The following CHCHD6 variants were observed in gnomAD, a reference collection of about 807,000 sequenced individuals.
CHCHD6 encodes MICOS complex subunit MIC25.
CHCHD6 carries 28 observed loss-of-function variants against 32.3 expected under a neutral mutation model. The observed-to-expected ratio is 0.87, with a 90% confidence interval of 0.64 to 1.19. The LOEUF is 1.19. Among genes scored for constraint, CHCHD6 ranks in the 50% most tolerant of loss-of-function variants. The probability of loss-of-function intolerance (pLI) is 0.00; values close to 1 mark genes in which losing one functional copy is unlikely to be tolerated. For missense variants in CHCHD6, 333 were observed against 307.0 expected, an observed-to-expected ratio of 1.08 and a Z score of -0.63; for synonymous variants, 122 against 117.5, an observed-to-expected ratio of 1.04 and a Z score of -0.25.
At position 126,902,317 on chromosome 3, in the gene CHCHD6, G is replaced by A. The variant is rs140682877; in HGVS notation, c.496-12363G>A. 1.4e-4 allele frequency among the ~76,000 whole-genome samples: 21 copies of A among 152,326 alleles called. No homozygotes were observed. The East Asian group carries it at 3.3e-3, about 24-fold the overall frequency. On this transcript the variant is annotated intron_variant, in intron 5 of 7. Transcript: ENST00000290913. ...CACTGGCCTAGAGTTGAGGGCCACAGCATGGCTGCCTTCCAGAGCCCAGTG... is the reference window on the plus strand; with the variant it reads ...CACTGGCCTAGAGTTGAGGGCCACAACATGGCTGCCTTCCAGAGCCCAGTG...
At chr3:126,925,075 C>G (rs1045442567) in intron 6 of CHCHD6, among the ~76,000 whole-genome samples, 2 of 152,224 alleles carry the variant, frequency 1.3e-5, no homozygotes, top group Non-Finnish European at 2.9e-5. Flanking sequence ...AATGCTCCAT[C>G]AGGAATGATG....
At chr3:126,877,841 G>T (rs749157432) in intron 5 of CHCHD6, among the ~76,000 whole-genome samples, 37 of 152,192 alleles carry the variant, frequency 2.4e-4, no homozygotes, top group Non-Finnish European at 4.1e-4. Flanking sequence ...GGGATTGTCT[G>T]AATTATTTAT....
chr3:126,942,578 G>A (rs1010730095), intron 6 of CHCHD6, among the ~76,000 whole-genome samples: 1 of 152,086 alleles, frequency 6.6e-6, no homozygotes, highest in East Asian at 1.9e-4. Flanking sequence ...CATAGATTTT[G>A]CCCTTCAAAC....
chr3:126,957,633 C>T (rs544670967), intron 7 of CHCHD6, 82 bp downstream of exon 7: 2 of 1,453,000 alleles, frequency 1.4e-6, no homozygotes, highest in Non-Finnish European at 1.9e-6. Flanking sequence ...GAGATCTCTG[C>T]CTGCCTTTTC....
intron 5 of CHCHD6, among the ~76,000 whole-genome samples, chr3:126,885,985 C>T (rs1365677271): frequency 1.3e-5 from 2 of 152,116 alleles, no homozygotes; most frequent in Non-Finnish European, 2.9e-5. Context: ...GGAACGGGCA[C>T]GGGCAGTGGA....
At chr3:126,817,644 T>C (rs1326664215) in intron 4 of CHCHD6, among the ~76,000 whole-genome samples, 1 of 152,212 alleles carries the variant, frequency 6.6e-6, no homozygotes, top group Non-Finnish European at 1.5e-5. Flanking sequence ...AGCCTTGTTT[T>C]CACTCTCCCT....
chr3:126,878,356 A>G (rs946529032), intron 5 of CHCHD6, among the ~76,000 whole-genome samples: 5 of 152,222 alleles, frequency 3.3e-5, no homozygotes, highest in Non-Finnish European at 7.3e-5. Flanking sequence ...CTGCAACAGG[A>G]AATTGACAGG....
At chr3:126,730,105 CAG>C (rs1451629108) in intron 2 of CHCHD6, among the ~76,000 whole-genome samples, 1 of 152,088 alleles carries the variant, frequency 6.6e-6, no homozygotes, top group Non-Finnish European at 1.5e-5. Flanking sequence ...GAGGATTGTG[CAG>C]ACTCAGGTGG....
chr3:126,843,268 G>A (rs997902659), intron 4 of CHCHD6, among the ~76,000 whole-genome samples: 2 of 152,046 alleles, frequency 1.3e-5, no homozygotes, highest in East Asian at 3.9e-4. Flanking sequence ...TTGGTTATGG[G>A]TATTATCTTT....
At chr3:126,859,309 G>T (rs1941771645) in intron 5 of CHCHD6, among the ~76,000 whole-genome samples, 1 of 152,164 alleles carries the variant, frequency 6.6e-6, no homozygotes. Flanking sequence ...GCTTCTGGCT[G>T]GAGAGCTTGG....
chr3:126,776,854 A>T (rs906229812), intron 4 of CHCHD6, among the ~76,000 whole-genome samples: 1 of 152,194 alleles, frequency 6.6e-6, no homozygotes. Flanking sequence ...TCAATTACAT[A>T]TGGTGTTATT....
At chr3:126,881,071 T>TA (rs1385891543) in intron 5 of CHCHD6, among the ~76,000 whole-genome samples, 1 of 152,230 alleles carries the variant, frequency 6.6e-6, no homozygotes, top group African/African-American at 2.4e-5. Flanking sequence ...TGCCGACCTG[T>TA]ATGGGAGGAC....
chr3:126,739,653 A>T (rs1283926543), intron 4 of CHCHD6, among the ~76,000 whole-genome samples: 1 of 152,096 alleles, frequency 6.6e-6, no homozygotes, highest in East Asian at 1.9e-4. Context: ...TTTTCTGGAG[A>T]CAGCCCAGTG....
Position 126,788,736 on chromosome 3 carries a change from C to T in CHCHD6, c.411+55514C>T, listed in dbSNP as rs912877021. On this transcript the variant is annotated intron_variant, in intron 4 of 7. Coordinates refer to ENST00000290913, the MANE Select transcript of CHCHD6 (RefSeq NM_032343.3). Reference sequence around the variant, plus strand: ...CTCTCTTCTTCATTAGCCTTGCTAGCGGTCTATCAATTTTGTTGATCTTTT... The same window carrying T: ...CTCTCTTCTTCATTAGCCTTGCTAGTGGTCTATCAATTTTGTTGATCTTTT... Among the ~76,000 whole-genome samples, 9 of 152,170 alleles carry T rather than the reference C, an allele frequency of 5.9e-5. 1 individual carries two copies. Among genetic ancestry groups the T allele is most frequent in the South Asian group, 4.2e-4 (2 of 4,818 alleles).
intron 1 of CHCHD6, among the ~76,000 whole-genome samples, chr3:126,710,789 A>G (rs1934715199): frequency 6.6e-6 from 1 of 152,050 alleles, no homozygotes; most frequent in South Asian, 2.1e-4. Context: ...GTATCTTGCA[A>G]CCTCGTTAGG....
chr3:126,946,520 C>T (rs2078641780), intron 6 of CHCHD6, among the ~76,000 whole-genome samples: 1 of 152,176 alleles, frequency 6.6e-6, no homozygotes, highest in Non-Finnish European at 1.5e-5. Flanking sequence ...TCGCAAGCCT[C>T]AGCTCTCAAA....
At chr3:126,952,668 C>T (rs1330218690) in intron 6 of CHCHD6, among the ~76,000 whole-genome samples, 3 of 152,212 alleles carry the variant, frequency 2.0e-5, no homozygotes, top group South Asian at 2.1e-4. Context: ...TGGCCTGGGA[C>T]GGAGATGGAG....
chr3:126,739,894 G>A (rs538373376), intron 4 of CHCHD6, among the ~76,000 whole-genome samples: 1 of 152,272 alleles, frequency 6.6e-6, no homozygotes, highest in East Asian at 1.9e-4. Context: ...ACATTTGCTT[G>A]CAGTTTTATG....
chr3:126,919,444 G>T (rs2107592933), intron 6 of CHCHD6, among the ~76,000 whole-genome samples: 1 of 151,476 alleles, frequency 6.6e-6, no homozygotes, highest in East Asian at 1.9e-4. Context: ...CTCTTGAGTA[G>T]CTAGAACCAC....
Sources: allele counts gnomAD v4.1 joint callset (sites outside exome capture counted in the v4.1 genomes callset), GRCh38; gene constraint gnomAD v4.1.1; transcripts MANE v1.5; gene names NCBI Gene and HGNC (gene_info 2026-07-23, HGNC 2026-07-21).